ARMH3: variants seen among roughly 807,000 people sequenced by gnomAD.
The protein encoded by ARMH3 is armadillo like helical domain containing 3.
A neutral mutation model predicts 99.1 loss-of-function variants in ARMH3; 60 were observed. The ratio of observed to expected loss-of-function variants is 0.61; its 90% CI spans 0.49 to 0.75. The LOEUF (loss-of-function observed/expected upper bound fraction) is 0.75. ARMH3 is among the 30% of genes least tolerant of loss of function. The pLI, the probability that ARMH3 is intolerant of heterozygous loss-of-function variation, is 0.00. For synonymous variants in ARMH3, 285 were observed against 292.8 expected, an observed-to-expected ratio of 0.97 and a Z score of 0.27; for missense variants, 679 against 843.1, an observed-to-expected ratio of 0.81 and a Z score of 2.41.
chr10:101,846,183 G>A lies in ARMH3; in HGVS notation c.*1345C>T, dbSNP rs2066464321. 6.6e-6 allele frequency: 1 copy of A among 152,510 alleles called. No individual in the cohort carries two copies. Among genetic ancestry groups the A allele is most frequent in the Admixed American group, 6.6e-5 (1 of 15,262 alleles). 9.4% of individuals were successfully genotyped at this position (152,510 alleles called of 1,614,324 possible). On this transcript the variant is annotated 3_prime_UTR_variant, in exon 26 of 26. Transcript: ENST00000370033. ...CTTATGCATGATGCTCACCTGGCCTGTTTCAGATGGAGGGCACCCTACCCC... is the reference window on the plus strand; with the variant it reads ...CTTATGCATGATGCTCACCTGGCCTATTTCAGATGGAGGGCACCCTACCCC...
At chr10:102,044,085 T>A (rs2067485976) in intron 1 of ARMH3, among the ~76,000 whole-genome samples, 1 of 149,924 alleles carries the variant, frequency 6.7e-6, no homozygotes, top group Non-Finnish European at 1.5e-5. Context: ...CCCAGCTAAT[T>A]TTTTTCTTTT....
intron 22 of ARMH3, among the ~76,000 whole-genome samples, chr10:101,953,565 G>A (rs1039098365): frequency 3.0e-5 from 4 of 133,698 alleles, no homozygotes; most frequent in Non-Finnish European, 6.3e-5. Flanking sequence ...TTTTTTTAAT[G>A]AGCAAAAGAT....
At chr10:101,976,476 G>C (rs1243773353) in intron 19 of ARMH3, among the ~76,000 whole-genome samples, 1 of 151,632 alleles carries the variant, frequency 6.6e-6, no homozygotes, top group Non-Finnish European at 1.5e-5. Flanking sequence ...AATGGGAAAA[G>C]GGTGCTATAA....
intron 11 of ARMH3, among the ~76,000 whole-genome samples, chr10:102,010,379 C>G (rs536504621): frequency 3.5e-4 from 53 of 152,336 alleles, no homozygotes; most frequent in Non-Finnish European, 6.2e-4. Context: ...CACTCTGTAT[C>G]TTTCCTAGAA....
At chr10:101,967,652 G>C (rs755144561) in intron 20 of ARMH3, among the ~76,000 whole-genome samples, 4 of 152,132 alleles carry the variant, frequency 2.6e-5, no homozygotes, top group Non-Finnish European at 5.9e-5. Flanking sequence ...CAGGAGAATT[G>C]CTTGAACCAG....
intron 23 of ARMH3, among the ~76,000 whole-genome samples, chr10:101,920,404 G>T (rs749317471): frequency 5.9e-5 from 9 of 152,192 alleles, no homozygotes; most frequent in Non-Finnish European, 1.3e-4. Context: ...TAGCTGCAGT[G>T]AGGTGACAGA....
chr10:101,939,123 T>C (rs1246921238), intron 23 of ARMH3, among the ~76,000 whole-genome samples: 1 of 152,200 alleles, frequency 6.6e-6, no homozygotes, highest in Non-Finnish European at 1.5e-5. Flanking sequence ...CTAAATCAAG[T>C]TCCCCATCTG....
chr10:101,973,816 A>C (rs1845877523), intron 20 of ARMH3, among the ~76,000 whole-genome samples: 1 of 152,220 alleles, frequency 6.6e-6, no homozygotes, highest in Non-Finnish European at 1.5e-5. Flanking sequence ...TACAATGTGT[A>C]ATTTCATTCA....
At chr10:101,942,457 G>C (rs2135726113) in intron 22 of ARMH3, among the ~76,000 whole-genome samples, 1 of 152,304 alleles carries the variant, frequency 6.6e-6, no homozygotes, top group African/African-American at 2.4e-5. Context: ...AGAAAAGACA[G>C]CTTAAAACAT....
intron 20 of ARMH3, among the ~76,000 whole-genome samples, chr10:101,972,043 A>G (rs1034083029): frequency 4.6e-5 from 7 of 152,230 alleles, no homozygotes; most frequent in Non-Finnish European, 8.8e-5. Context: ...TATCATGGTG[A>G]CATGCATCAT....
chr10:101,908,342 T>C (rs1842720673), intron 23 of ARMH3, among the ~76,000 whole-genome samples: 1 of 152,234 alleles, frequency 6.6e-6, no homozygotes, highest in Non-Finnish European at 1.5e-5. Context: ...AATTTAACAA[T>C]GTAATATATT....
At chr10:101,887,738 A>C (rs1387965911) in intron 24 of ARMH3, among the ~76,000 whole-genome samples, 3 of 151,706 alleles carry the variant, frequency 2.0e-5, no homozygotes, top group African/African-American at 7.3e-5. Context: ...CAGCAGGTAT[A>C]CAATTACATA....
At chr10:101,927,873 G>A (rs1206828753) in intron 23 of ARMH3, among the ~76,000 whole-genome samples, 1 of 152,186 alleles carries the variant, frequency 6.6e-6, no homozygotes, top group African/African-American at 2.4e-5. Flanking sequence ...AGGAGTTCAA[G>A]ACCAGCCTGG....
At chr10:101,944,252 A>ATATATATATTTATATT (rs1336233332) in intron 22 of ARMH3, among the ~76,000 whole-genome samples, 1 of 52,392 alleles carries the variant, frequency 1.9e-5, no homozygotes, top group African/African-American at 9.8e-5. Flanking sequence ...CTATATATAT[A>ATATATATATTTATATT]TATATATATA....
At chr10:101,909,324 T>C (rs1842774313) in intron 23 of ARMH3, among the ~76,000 whole-genome samples, 1 of 151,614 alleles carries the variant, frequency 6.6e-6, no homozygotes, top group Non-Finnish European at 1.5e-5. Flanking sequence ...AGAGGACTGC[T>C]TGAGCCTGGG....
intron 1 of ARMH3, among the ~76,000 whole-genome samples, chr10:102,046,336 G>GAAAAAGAAAAA (rs1279945123): frequency 1.3e-5 from 2 of 148,292 alleles, no homozygotes; most frequent in Non-Finnish European, 3.0e-5. Context: ...AGAGAAAAGA[G>GAAAAAGAAAAA]AAAAAGAAAA....
At chr10:102,011,540 A>G (rs2066627833) in intron 11 of ARMH3, among the ~76,000 whole-genome samples, 183 bp downstream of exon 11, 1 of 148,478 alleles carries the variant, frequency 6.7e-6, no homozygotes, top group African/African-American at 2.5e-5. Context: ...GTGGGGATTC[A>G]AAAAAAAAAG....
intron 22 of ARMH3, among the ~76,000 whole-genome samples, chr10:101,955,186 C>T (rs1012124556): frequency 2.6e-5 from 4 of 151,950 alleles, no homozygotes; most frequent in African/African-American, 9.7e-5. Flanking sequence ...TGCCAAGCTC[C>T]TAAAAAAAAG....
chr10:101,909,566 C>T (rs1377389302), intron 23 of ARMH3, among the ~76,000 whole-genome samples: 1 of 145,670 alleles, frequency 6.9e-6, no homozygotes, highest in South Asian at 2.2e-4. Flanking sequence ...CCTCCCCAAG[C>T]TCATGTAATC....
Sources: gnomAD v4.1 joint callset for allele counts (sites outside exome capture counted in the v4.1 genomes callset) on GRCh38, gnomAD v4.1.1 for gene constraint, MANE v1.5 for transcripts, NCBI Gene and HGNC (gene_info 2026-07-23, HGNC 2026-07-21) for gene names.